The following MN1 variants were observed in gnomAD, a reference collection of about 807,000 sequenced individuals.
MN1 encodes the protein transcriptional activator MN1.
In MN1, 19 loss-of-function variants were observed where a neutral mutation model predicts 86.9. The ratio of observed to expected loss-of-function variants is 0.22; its 90% CI spans 0.15 to 0.32. The LOEUF is 0.32. Among genes scored for constraint, MN1 ranks in the 10% least tolerant of loss-of-function variants. The probability of loss-of-function intolerance (pLI) is 1.00; values close to 1 mark genes in which losing one functional copy is unlikely to be tolerated. For synonymous variants in MN1, 928 were observed against 849.6 expected, an observed-to-expected ratio of 1.09 and a Z score of -1.60; for missense variants, 1,841 against 1,862.0, an observed-to-expected ratio of 0.99 and a Z score of 0.21.
chr22:27,751,310 T>G (rs45512801), intron 1 of MN1, among the ~76,000 whole-genome samples: 2,258 of 152,166 alleles, frequency 0.015, 65 homozygotes, highest in African/African-American at 0.051. Context: ...AGGGAAGACC[T>G]CCCTGTTGGG....
intron 1 of MN1, among the ~76,000 whole-genome samples, chr22:27,761,217 CTCTT>C (rs1353666751): frequency 4.0e-5 from 6 of 151,596 alleles, no homozygotes; most frequent in Admixed American, 6.6e-5. Flanking sequence ...CTCGCTCTCT[CTCTT>C]TCTCTCTCTC....
intron 1 of MN1, among the ~76,000 whole-genome samples, chr22:27,775,886 C>T (rs753965698): frequency 5.3e-5 from 8 of 152,166 alleles, no homozygotes; most frequent in Non-Finnish European, 8.8e-5. Flanking sequence ...TGCTCCCTGC[C>T]GCCTGAAGCC....
In MN1 at chr22:27,798,606, C is replaced by T. The variant is rs774492680; in HGVS notation, c.1938G>A (p.Arg646=). Residue 646 remains arginine, a synonymous_variant, in exon 1 of 2, where the codon AGG becomes AGA. Coordinates refer to ENST00000302326, the MANE Select transcript of MN1 (RefSeq NM_002430.3). ...HPPPGDLLPR[R]MGGSGLPADC... ...CAGCGGGCAGACCCGAGCCGCCCAT[C>T]CTACGGGGCAGCAGGTCTCCGGGCG... 5 of 1,559,708 alleles carry T rather than the reference C, an allele frequency of 3.2e-6. No individual in the cohort carries two copies. Among genetic ancestry groups the T allele is most frequent in the South Asian group, 1.2e-5 (1 of 85,502 alleles).
Position 27,750,991 on chromosome 22 carries a change from G to C in MN1, c.3887C>G (p.Ala1296Gly). The change falls in exon 2 of 2, where the codon GCC (alanine) becomes GGC (glycine). Residue 1296 changes from alanine to glycine, a missense_variant. Ala to Gly is a moderately conservative substitution (Grantham distance 60, BLOSUM62 0). Transcript: ENST00000302326. ...TDDVGDAKAR[A>G]SVPTWRSLHS... ...CAGGGACCGCCAGGTGGGCACGGAG[G>C]CTCGAGCCTTGGCGTCACCCACGTC... The C allele has an allele frequency of 6.2e-7, 1 of 1,613,096 alleles. No homozygotes were observed. The highest frequency in any genetic ancestry group is 8.5e-7 in the Non-Finnish European group (1 of 1,179,432).
At chr22:27,755,423 T>C (rs564040120) in intron 1 of MN1, among the ~76,000 whole-genome samples, 13 of 152,240 alleles carry the variant, frequency 8.5e-5, no homozygotes, top group Admixed American at 2.6e-4. Context: ...GGCCTCTGGT[T>C]CTTGGGGACT....
rs1425186878 is a variant in MN1, at chr22:27,800,147, G to A, written c.397C>T (p.Leu133=). 9.0e-6 allele frequency: 14 copies of A among 1,555,418 alleles called. No homozygotes were observed. The highest frequency in any genetic ancestry group is 1.2e-5 in the South Asian group (1 of 83,300). ...PGASCLHGGR[L]LGYGGAAGGL... is the part of the protein sequence containing the mutation. The stretch of plus-strand genomic sequence containing the variant: ...CCGGCTGCGCCGCCGTAGCCGAGCA[G>A]GCGACCCCCGTGCAGGCACGAGGCC... The change falls in exon 1 of 2, where the codon CTG becomes TTG. Residue 133 remains leucine (L), a synonymous_variant. Transcript: ENST00000302326.
chr22:27,754,676 T>A (rs1568969839), intron 1 of MN1, among the ~76,000 whole-genome samples: 1 of 152,164 alleles, frequency 6.6e-6, no homozygotes, highest in South Asian at 2.1e-4. Flanking sequence ...TCGCTGCCGA[T>A]AAATCAGTCC....
chr22:27,752,569 T>C (rs1932775147), intron 1 of MN1, among the ~76,000 whole-genome samples: 1 of 152,160 alleles, frequency 6.6e-6, no homozygotes, highest in Non-Finnish European at 1.5e-5. Context: ...ATTCACATCT[T>C]AGTATAAATT....
intron 1 of MN1, among the ~76,000 whole-genome samples, chr22:27,766,383 G>C (rs1932870204): frequency 6.6e-6 from 1 of 152,150 alleles, no homozygotes. Flanking sequence ...CATTGACCTA[G>C]GAAGGTGGTG....
chr22:27,786,524 T>C (rs1933135562), intron 1 of MN1, among the ~76,000 whole-genome samples: 1 of 151,056 alleles, frequency 6.6e-6, no homozygotes, highest in African/African-American at 2.4e-5. Context: ...AGGTTGAAGA[T>C]TCCCAACTGT....
intron 1 of MN1, among the ~76,000 whole-genome samples, chr22:27,790,074 C>T (rs1430331380): frequency 1.3e-5 from 2 of 152,236 alleles, no homozygotes; most frequent in African/African-American, 2.4e-5. Context: ...GGGCAAACAC[C>T]GGGTTGGGAG....
rs370185788 is a variant in MN1, at chr22:27,758,986, C to A, written c.3782-7890G>T. Among the ~76,000 whole-genome samples the A allele has an allele frequency of 1.5e-4, 23 of 152,230 alleles. No homozygotes were observed. In the East Asian group the frequency reaches 4.1e-3, roughly 27 times the overall value. On this transcript the variant is annotated intron_variant, in intron 1 of 1. Coordinates refer to ENST00000302326, the MANE Select transcript of MN1 (RefSeq NM_002430.3). ...GACTACAGGCATGCGCCACCACGCC[C>A]GGCTAATTCTTGTATTTTTTTTATA...
intron 1 of MN1, among the ~76,000 whole-genome samples, chr22:27,771,973 G>A (rs1440195519): frequency 1.3e-5 from 2 of 152,206 alleles, no homozygotes; most frequent in African/African-American, 4.8e-5. Flanking sequence ...CTTCCAGAGA[G>A]GTTGTTGGAC....
intron 1 of MN1, among the ~76,000 whole-genome samples, chr22:27,752,583 C>G (rs1318088709): frequency 1.3e-5 from 2 of 152,196 alleles, no homozygotes; most frequent in Non-Finnish European, 1.5e-5. Flanking sequence ...ATAAATTAGA[C>G]CAAAGCAGGG....
intron 1 of MN1, among the ~76,000 whole-genome samples, chr22:27,777,541 A>G (rs1286216504): frequency 6.6e-6 from 1 of 151,186 alleles, no homozygotes; most frequent in Non-Finnish European, 1.5e-5. Context: ...TCTAAAAAAA[A>G]AAAAAAAGAG....
At chr22:27,791,427 G>A (rs1323480569) in intron 1 of MN1, among the ~76,000 whole-genome samples, 2 of 151,810 alleles carry the variant, frequency 1.3e-5, no homozygotes, top group Non-Finnish European at 2.9e-5. Flanking sequence ...CAAACACATC[G>A]TCGGCAAGTC....
At chr22:27,777,056 C>T (rs1323128065) in intron 1 of MN1, among the ~76,000 whole-genome samples, 1 of 152,144 alleles carries the variant, frequency 6.6e-6, no homozygotes, top group Non-Finnish European at 1.5e-5. Flanking sequence ...TCCCCACTCT[C>T]TACAAATAGG....
chr22:27,764,255 T>C (rs1568972709), intron 1 of MN1, among the ~76,000 whole-genome samples: 1 of 152,234 alleles, frequency 6.6e-6, no homozygotes, highest in Non-Finnish European at 1.5e-5. Context: ...TAGCCCCTTA[T>C]TGAGAACCAA....
intron 1 of MN1, among the ~76,000 whole-genome samples, chr22:27,753,162 T>C (rs1932780316): frequency 6.6e-6 from 1 of 152,184 alleles, no homozygotes; most frequent in South Asian, 2.1e-4. Context: ...CCCTCATTCA[T>C]GCAACTAACA....
Sources: allele counts gnomAD v4.1 joint callset (sites outside exome capture counted in the v4.1 genomes callset), GRCh38; gene constraint gnomAD v4.1.1; transcripts MANE v1.5; gene names NCBI Gene and HGNC (gene_info 2026-07-23, HGNC 2026-07-21).